PLXNA3: variants seen among roughly 807,000 people sequenced by gnomAD.
PLXNA3 encodes plexin A3, also known as plexin-A3.
A neutral mutation model predicts 118.8 loss-of-function variants in PLXNA3; 52 were observed. That is an observed-to-expected ratio of 0.44 (90% CI 0.35 to 0.55). The LOEUF (loss-of-function observed/expected upper bound fraction) is 0.55, where lower values mean the gene tolerates loss of function less well. Among genes scored for constraint, PLXNA3 ranks in the 20% least tolerant of loss-of-function variants. The pLI, the probability that PLXNA3 is intolerant of heterozygous loss-of-function variation, is 0.01. For synonymous variants in PLXNA3, 925 were observed against 762.4 expected (o/e 1.21, Z -3.51); for missense variants, 1,660 against 1,730.8 (o/e 0.96, Z 0.73).
intron 2 of PLXNA3, 59 bp downstream of exon 2, chrX:154,460,836 A>G (rs1265262648): frequency 1.1e-6 from 1 of 883,324 alleles, no homozygotes; most frequent in Admixed American, 3.3e-5. Context: ...CTCCCAGAAG[A>G]GCCCTGTTCT....
intron 1 of PLXNA3, among the ~76,000 whole-genome samples, chrX:154,459,578 C>T (rs781888205): frequency 8.9e-5 from 10 of 112,366 alleles, no homozygotes; most frequent in Admixed American, 4.7e-4. Flanking sequence ...TGTGTTGCAT[C>T]GGGGAGGCCA....
rs782710512 is a variant in PLXNA3 at position 154,468,373 on chromosome X, C to T, written c.4034C>T (p.Thr1345Ile). The T allele has an allele frequency of 8.3e-7, 1 of 1,210,924 alleles. No individual in the cohort carries two copies. Among genetic ancestry groups the T allele is most frequent in the Non-Finnish European group, 1.1e-6 (1 of 895,347 alleles). ...QLLHSRAFVL[T>I]FIHTLEAQSS... ...CTGCACAGCCGCGCGTTCGTGCTTA[C>T]CTTCATCCACACGCTGGAGGCCCAG... The change falls in exon 23 of 33, where the codon ACC (threonine) becomes ATC (isoleucine). Residue 1345 changes from threonine (T) to isoleucine (I), a missense_variant. Physicochemically the swap from Thr to Ile is moderately conservative, Grantham distance 89. Coordinates refer to ENST00000369682, the MANE Select transcript of PLXNA3 (RefSeq NM_017514.5).
In PLXNA3 at chrX:154,468,457, A is replaced by G; in HGVS notation, c.4118A>G (p.Gln1373Arg). 8.3e-7 allele frequency: 1 copy of G among 1,211,336 alleles called. No homozygotes were observed. The highest frequency in any genetic ancestry group is 3.0e-5 in the East Asian group (1 of 33,854). ...GCCTCGCTCACCATGGTGGCCCTGC[A>G]GAGCCGGCTCGACTATGCCACGGGG... ...TVASLTMVAL[Q>R]SRLDYATGLL... Residue 1373 changes from glutamine (Q) to arginine (R), a missense_variant, in exon 23 of 33, where the codon CAG becomes CGG. Gln to Arg is a conservative substitution (Grantham distance 43, BLOSUM62 1). Around this residue, in one of 2 missense-constraint regions of PLXNA3, gnomAD observed 869 missense variants for 1,078.7 expected, o/e 0.81. Transcript: ENST00000369682.
In PLXNA3 at chrX:154,468,907, G is replaced by A. The variant is rs1569554652; in HGVS notation, c.4372G>A (p.Glu1458Lys). Reference protein sequence around the residue: ...EKGPIDAITGEARYSLSEDKL... With the variant: ...EKGPIDAITGKARYSLSEDKL... ...GGGCCCCATTGATGCCATCACGGGCGAGGCACGATACTCCCTGAGCGAGGA... is the reference window on the plus strand; with the variant it reads ...GGGCCCCATTGATGCCATCACGGGCAAGGCACGATACTCCCTGAGCGAGGA... The change falls in exon 25 of 33, where the codon GAG (glutamate) becomes AAG (lysine). Residue 1458 changes from glutamate (E) to lysine (K), a missense_variant. Physicochemically the swap from Glu to Lys is moderately conservative, Grantham distance 56. Transcript: ENST00000369682. 5 of 1,210,001 alleles carry A rather than the reference G, an allele frequency of 4.1e-6. No individual in the cohort carries two copies. Among genetic ancestry groups the A allele is most frequent in the East Asian group, 5.9e-5 (2 of 33,749 alleles).
In PLXNA3 at chrX:154,467,033, C is replaced by T. The variant is rs782402698; in HGVS notation, c.3108-24C>T. On this transcript the variant is annotated intron_variant, in intron 17 of 32. Transcript: ENST00000369682. ...GGGTGGGTGCACTGGAGGAGGGAGC[C>T]TGAGGCCCCTGCCCTGTCCCTAGTG... 4.3e-6 allele frequency: 5 copies of T among 1,173,402 alleles called. No individual in the cohort carries two copies. In the East Asian group the frequency reaches 1.2e-4, roughly 28 times the overall value.
intron 11 of PLXNA3, 76 bp from the exon 12 acceptor site, chrX:154,465,348 G>A (rs1569554448): frequency 9.6e-7 from 1 of 1,040,759 alleles, no homozygotes; most frequent in East Asian, 3.0e-5. Flanking sequence ...ACCTGGAGGA[G>A]GGGGGCAGCT....
rs1557203995 is a variant in PLXNA3 at position 154,461,107 on chromosome X, G to C, written c.603G>C (p.Gln201His). The C allele has an allele frequency of 8.4e-7, 1 of 1,197,542 alleles. No individual in the cohort carries two copies. Among genetic ancestry groups the C allele is most frequent in the Admixed American group, 2.2e-5 (1 of 45,592 alleles). ...CTCCCCCTGCTCCCCAGGTGTACCA[G>C]GATGAGTTTGTGTCCTCCCAGATCA... is the stretch of plus-strand genomic sequence containing the variant. The part of the protein sequence containing the change: ...DSADMFSLVY[Q>H]DEFVSSQIKI... Residue 201 changes from glutamine (Q) to histidine (H), a missense_variant, in exon 3 of 33, where the codon CAG (glutamine) becomes CAC (histidine). Coordinates refer to ENST00000369682, the MANE Select transcript of PLXNA3 (RefSeq NM_017514.5).
intron 9 of PLXNA3, 38 bp downstream of exon 9, chrX:154,464,539 A>T: frequency 1.8e-6 from 2 of 1,101,939 alleles, no homozygotes. Flanking sequence ...ACCCCTGGGG[A>T]TAGAGGGGAC....
Position 154,465,178 on chromosome X carries a change from T to C in PLXNA3, c.2204T>C (p.Val735Ala). 2 of 1,210,016 alleles carry C rather than the reference T, an allele frequency of 1.7e-6. No homozygotes were observed. The highest frequency in any genetic ancestry group is 2.2e-6 in the Non-Finnish European group (2 of 895,216). ...VQGRQQRVPA[V>A]RFNSSSVQCQ... ...GGGCGGCAGCAGCGGGTGCCTGCCGTGCGCTTCAACAGCAGCAGTGTGCAG... is the reference window on the plus strand; with the variant it reads ...GGGCGGCAGCAGCGGGTGCCTGCCGCGCGCTTCAACAGCAGCAGTGTGCAG... The change falls in exon 11 of 33, where the codon GTG becomes GCG. Residue 735 changes from valine to alanine, a missense_variant. By Grantham distance (64) the Val-to-Ala change is moderately conservative (BLOSUM62 0). This residue lies in a region of PLXNA3 where 869 missense variants were observed against 1,078.7 expected (regional missense o/e 0.81). Coordinates refer to ENST00000369682, the MANE Select transcript of PLXNA3 (RefSeq NM_017514.5).
At position 154,462,255 on chromosome X, in the gene PLXNA3, C is replaced by A. The variant is rs1339955339; in HGVS notation, c.1262C>A (p.Thr421Asn). 8.4e-7 allele frequency: 1 copy of A among 1,189,613 alleles called. No individual in the cohort carries two copies. Among genetic ancestry groups the A allele is most frequent in the Non-Finnish European group, 1.1e-6 (1 of 883,853 alleles). ...TDGMASVAAY[T>N]YRQHSVVFIG... ...GGCATGGCCAGCGTGGCCGCCTACACCTACCGCCAGCACTCTGTGGTCTTC... is the reference window on the plus strand; with the variant it reads ...GGCATGGCCAGCGTGGCCGCCTACAACTACCGCCAGCACTCTGTGGTCTTC... Residue 421 changes from threonine (T) to asparagine (N), a missense_variant, in exon 4 of 33, where the codon ACC (threonine) becomes AAC (asparagine). This residue lies in a region of PLXNA3 where 791 missense variants were observed against 652.1 expected (regional missense o/e 1.21). Transcript: ENST00000369682.
rs142949704 is a variant in PLXNA3 at position 154,460,427 on chromosome X, A to G, written c.244A>G (p.Ser82Gly). The G allele has an allele frequency of 1.0e-5, 12 of 1,201,416 alleles. No homozygotes were observed. Among genetic ancestry groups the G allele is most frequent in the African/African-American group, 5.2e-5 (3 of 57,308 alleles). ...EDNARCYPPP[S>G]MRVCAHRLAP... ...CAACGCTCGCTGCTACCCGCCCCCC[A>G]GCATGCGCGTGTGTGCCCACCGCCT... The change falls in exon 2 of 33, where the codon AGC becomes GGC. Residue 82 changes from serine to glycine, a missense_variant. Ser to Gly is a moderately conservative substitution (Grantham distance 56). Around this residue, in one of 2 missense-constraint regions of PLXNA3, gnomAD observed 791 missense variants for 652.1 expected, o/e 1.21. Coordinates refer to ENST00000369682, the MANE Select transcript of PLXNA3 (RefSeq NM_017514.5).
chrX:154,460,053 C>G, intron 1 of PLXNA3, 104 bp from the exon 2 acceptor site: 2 of 475,135 alleles, frequency 4.2e-6, no homozygotes, highest in Admixed American at 7.2e-5. Context: ...CCCCTCCTCT[C>G]TCCCTGTCAC....
Position 154,465,752 on chromosome X carries a change from A to G in PLXNA3, c.2437A>G (p.Arg813Gly). 1.7e-6 allele frequency: 2 copies of G among 1,210,224 alleles called. No homozygotes were observed. Among genetic ancestry groups the G allele is most frequent in the Non-Finnish European group, 2.2e-6 (2 of 894,887 alleles). The change falls in exon 13 of 33, where the codon AGG (arginine) becomes GGG (glycine). Residue 813 changes from arginine (R) to glycine (G), a missense_variant. By Grantham distance (125) the Arg-to-Gly change is moderately radical (BLOSUM62 -2). Coordinates refer to ENST00000369682, the MANE Select transcript of PLXNA3 (RefSeq NM_017514.5). ...FNCGWCISEH[R>G]CQLRTHCPAP... ...CTGTGGCTGGTGCATCTCAGAGCAC[A>G]GGTGCCAGCTGCGGACCCACTGCCC...
chrX:154,466,668 G>GGGCCCCAGCCA lies in PLXNA3; in HGVS notation c.2989_2999dup (p.Ile1001AlafsTer47). The GGGCCCCAGCCA allele has an allele frequency of 2.5e-6, 3 of 1,203,241 alleles. No individual in the cohort carries two copies. Among genetic ancestry groups the GGGCCCCAGCCA allele is most frequent in the Non-Finnish European group, 3.4e-6 (3 of 891,240 alleles). Reference sequence around the variant, plus strand: ...TGTGCATCTCACCTCTCTCCACCCTGGGCCCCAGCCAGGCCCCCATCACAC... The same window carrying GGGCCCCAGCCA: ...TGTGCATCTCACCTCTCTCCACCCTGGGCCCCAGCCAGGCCCCAGCCAGGCCCCCATCACAC... On this transcript the variant is annotated frameshift_variant, in exon 17 of 33. Coordinates refer to ENST00000369682, the MANE Select transcript of PLXNA3 (RefSeq NM_017514.5). LOFTEE classifies it high-confidence loss of function.
chrX:154,460,369 G>C lies in PLXNA3; in HGVS notation c.186G>C (p.Glu62Asp), dbSNP rs375016163. 3 of 1,210,391 alleles carry C rather than the reference G, an allele frequency of 2.5e-6. No individual in the cohort carries two copies. Among genetic ancestry groups the C allele is most frequent in the East Asian group, 5.9e-5 (2 of 33,835 alleles). The change falls in exon 2 of 33, where the codon GAG becomes GAC. Residue 62 changes from glutamate (E) to aspartate (D), a missense_variant. This residue lies in a region of PLXNA3 where 791 missense variants were observed against 652.1 expected (regional missense o/e 1.21). Transcript: ENST00000369682. Reference protein sequence around the residue: ...RVFKLAPNLTELRAHVTGPVE... With the variant: ...RVFKLAPNLTDLRAHVTGPVE... The stretch of plus-strand genomic sequence containing the variant: ...TTAAGCTGGCCCCCAACCTGACTGA[G>C]CTGCGGGCCCATGTCACGGGGCCCG...
At chrX:154,458,986 C>T (rs1557202667) in intron 1 of PLXNA3, among the ~76,000 whole-genome samples, 2 of 111,923 alleles carry the variant, frequency 1.8e-5, no homozygotes, top group East Asian at 2.8e-4. Flanking sequence ...TTTGGCCTTC[C>T]TTTCTTCTCC....
chrX:154,462,560 G>C (rs2068993243), intron 4 of PLXNA3, among the ~76,000 whole-genome samples: 1 of 112,351 alleles, frequency 8.9e-6, no homozygotes, highest in African/African-American at 3.2e-5. Flanking sequence ...TCTGGGGACA[G>C]AGAACAGACC....
chrX:154,464,815 A>G lies in PLXNA3; in HGVS notation c.1990A>G (p.Thr664Ala), dbSNP rs781844192. The change falls in exon 10 of 33, where the codon ACC (threonine) becomes GCC (alanine). Residue 664 changes from threonine to alanine, a missense_variant. By Grantham distance (58) the Thr-to-Ala change is moderately conservative. This residue lies in a region of PLXNA3 where 791 missense variants were observed against 652.1 expected (regional missense o/e 1.21). Coordinates refer to ENST00000369682, the MANE Select transcript of PLXNA3 (RefSeq NM_017514.5). Reference sequence around the variant, plus strand: ...CTGGTGTAAGTACCGCCACACGTGTACCAGCCGCCCCCACGAGTGCTCCTT... The same window carrying G: ...CTGGTGTAAGTACCGCCACACGTGTGCCAGCCGCCCCCACGAGTGCTCCTT... The part of the protein sequence containing the change: ...CHWCKYRHTC[T>A]SRPHECSFQE... 4.1e-6 allele frequency: 5 copies of G among 1,207,825 alleles called. No homozygotes were observed. The East Asian group carries it at 1.5e-4, about 36-fold the overall frequency.
intron 23 of PLXNA3, 33 bp downstream of exon 23, chrX:154,468,592 T>A (rs1243519331): frequency 1.6e-5 from 19 of 1,205,253 alleles, no homozygotes; most frequent in Non-Finnish European, 2.1e-5. Flanking sequence ...GCCACACCTT[T>A]GTCCTGCCTG....
Sources: gnomAD v4.1 joint callset for allele counts (sites outside exome capture counted in the v4.1 genomes callset) on GRCh38, gnomAD v4.1.1 for gene constraint, gnomAD v4.1.1 regional missense constraint, MANE v1.5 for transcripts, NCBI Gene and HGNC (gene_info 2026-07-23, HGNC 2026-07-21) for gene names.